USP4: variants seen among roughly 807,000 people sequenced by gnomAD.
USP4 encodes ubiquitin specific peptidase 4, also known as ubiquitin carboxyl-terminal hydrolase 4.
USP4 carries 72 observed loss-of-function variants against 118.2 expected under a neutral mutation model. The observed-to-expected ratio is 0.61, with a 90% CI of 0.50 to 0.74. USP4 has a LOEUF of 0.74. USP4 is among the 30% of genes least tolerant of loss of function. The probability of loss-of-function intolerance (pLI) is 0.00; values close to 1 mark genes in which losing one functional copy is unlikely to be tolerated. For missense variants in USP4, 1,037 were observed against 1,185.7 expected (o/e 0.87, Z 1.84); for synonymous variants, 415 against 440.4 (o/e 0.94, Z 0.72).
chr3:49,291,437 T>C (rs2047149938), intron 15 of USP4, among the ~76,000 whole-genome samples: 1 of 151,182 alleles, frequency 6.6e-6, no homozygotes, highest in Non-Finnish European at 1.5e-5. Flanking sequence ...TAGCCAGGCA[T>C]GGTGGCATGC....
At chr3:49,295,085 T>G (rs1202408844) in intron 13 of USP4, among the ~76,000 whole-genome samples, 3 of 152,032 alleles carry the variant, frequency 2.0e-5, no homozygotes, top group South Asian at 2.1e-4. Flanking sequence ...GTCAGGAGAT[T>G]GAGACCATCC....
intron 15 of USP4, among the ~76,000 whole-genome samples, chr3:49,290,662 A>C (rs1221827146): frequency 1.3e-5 from 2 of 151,856 alleles, no homozygotes; most frequent in Non-Finnish European, 2.9e-5. Flanking sequence ...TTACAGGCAC[A>C]CACTGCCATG....
intron 14 of USP4, 113 bp downstream of exon 14, chr3:49,294,294 C>A (rs2047180562): frequency 3.3e-6 from 4 of 1,214,472 alleles, no homozygotes; most frequent in Non-Finnish European, 4.6e-6. Context: ...AAATGCATTT[C>A]TTACAGAGGT....
intron 19 of USP4, among the ~76,000 whole-genome samples, chr3:49,282,075 T>C (rs2047037066): frequency 6.6e-6 from 1 of 151,942 alleles, no homozygotes; most frequent in South Asian, 2.1e-4. Flanking sequence ...AGAACCTTTC[T>C]GGGTAACTCC....
intron 6 of USP4, chr3:49,317,462 A>T (rs1489628072): frequency 6.6e-6 from 5 of 760,752 alleles, no homozygotes; most frequent in Non-Finnish European, 1.2e-5. Context: ...TGCTGGGTCA[A>T]CATCTCCTGG....
At chr3:49,320,898 G>A (rs1360415142) in intron 6 of USP4, among the ~76,000 whole-genome samples, 2 of 151,836 alleles carry the variant, frequency 1.3e-5, no homozygotes, top group Admixed American at 6.6e-5. Context: ...TCCTTCCTTA[G>A]TTTGAGAACC....
rs1217581747 is a variant in USP4 at position 49,278,119 on chromosome 3, GCTT to G, written c.*171_*173del. 67 of 713,192 alleles carry G rather than the reference GCTT, an allele frequency of 9.4e-5. No individual in the cohort carries two copies. The highest frequency in any genetic ancestry group is 1.3e-4 in the Non-Finnish European group (62 of 469,546). The allele number at this position is 713,192 out of a possible 1,614,324, so 44.2% of individuals were successfully genotyped here. A position where few individuals can be genotyped will look rare whatever the true frequency, so the allele number is the denominator to read the frequency against. On this transcript the variant is annotated 3_prime_UTR_variant, in exon 22 of 22. Coordinates refer to ENST00000265560, the MANE Select transcript of USP4 (RefSeq NM_003363.4). ...AAAAATAATTCAGCCTCTTGACATA[GCTT>G]CTTCTAGGTAAACGGTCTTCTTTTT...
intron 20 of USP4, chr3:49,279,352 C>CG (rs1559462207): frequency 1.3e-5 from 2 of 152,174 alleles, no homozygotes; most frequent in Non-Finnish European, 2.9e-5. Flanking sequence ...CTTAGTGCCT[C>CG]GGGAGCCTAC....
chr3:49,308,988 C>T (rs543717811), intron 8 of USP4, among the ~76,000 whole-genome samples: 54 of 146,920 alleles, frequency 3.7e-4, no homozygotes, highest in African/African-American at 1.3e-3. Context: ...GTCAAGATTG[C>T]GCGACTGCAC....
chr3:49,284,394 C>T, intron 18 of USP4, 72 bp downstream of exon 18: 2 of 1,266,286 alleles, frequency 1.6e-6, no homozygotes, highest in South Asian at 1.3e-5. Context: ...GGTTTATGTG[C>T]ACAGATGGCC....
chr3:49,292,861 C>A (rs1183029775), intron 14 of USP4, among the ~76,000 whole-genome samples: 1 of 151,974 alleles, frequency 6.6e-6, no homozygotes, highest in Non-Finnish European at 1.5e-5. Context: ...GAAACCCCAT[C>A]TCTAGTAAAA....
rs1431471936 is a variant in USP4 at position 49,310,628 on chromosome 3, C to A, written c.946G>T (p.Ala316Ser). 1 of 1,613,190 alleles carries A rather than the reference C, an allele frequency of 6.2e-7. No homozygotes were observed. Residue 316 changes from alanine to serine, a missense_variant, in exon 8 of 22, where the codon GCT becomes TCT. Physicochemically the swap from Ala to Ser is moderately conservative, Grantham distance 99. Transcript: ENST00000265560. Reference sequence around the variant, plus strand: ...GAAGTTCTCTCCTCTACCTGCAAAGCGGAGTTCATGAAGCAGGTGTTTCCC... The same window carrying A: ...GAAGTTCTCTCCTCTACCTGCAAAGAGGAGTTCATGAAGCAGGTGTTTCCC... ...NLGNTCFMNS[A>S]LQCLSNTAPL... is the part of the protein sequence containing the mutation.
Position 49,300,527 on chromosome 3 carries a change from CT to C in USP4, c.1451del (p.Lys484ArgfsTer24). ...GGAAAACCTCCATAACTCGATCTTT[CT>C]TCAAGGGCAGTGGCAGCGTTAGATA... ...FCYLTLPLPL[K>X]KDRVMEVFLV... On this transcript the variant is annotated frameshift_variant, in exon 11 of 22. Transcript: ENST00000265560. LOFTEE classifies it high-confidence loss of function. The C allele has an allele frequency of 6.2e-7, 1 of 1,614,202 alleles. No individual in the cohort carries two copies. The highest frequency in any genetic ancestry group is 8.5e-7 in the Non-Finnish European group (1 of 1,180,040).
chr3:49,313,870 C>A (rs759042655), intron 6 of USP4: 4 of 151,880 alleles, frequency 2.6e-5, no homozygotes, highest in Non-Finnish European at 5.9e-5. Flanking sequence ...TTAATTTTTA[C>A]CTTTTTTTTT....
intron 15 of USP4, among the ~76,000 whole-genome samples, chr3:49,287,523 A>G (rs1351924910): frequency 1.3e-5 from 2 of 151,818 alleles, no homozygotes; most frequent in African/African-American, 2.4e-5. Flanking sequence ...CCCAGGCTAG[A>G]GTACATTGGT....
At chr3:49,337,655 T>C (rs1163353302) in intron 1 of USP4, among the ~76,000 whole-genome samples, 2 of 152,044 alleles carry the variant, frequency 1.3e-5, no homozygotes, top group Non-Finnish European at 1.5e-5. Context: ...CAGGCTGGTC[T>C]TGAACTCCTG....
intron 13 of USP4, among the ~76,000 whole-genome samples, chr3:49,295,720 A>G (rs998209056): frequency 1.3e-4 from 20 of 149,596 alleles, no homozygotes; most frequent in African/African-American, 4.3e-4. Flanking sequence ...GCGCGCACAC[A>G]CACACACACA....
At chr3:49,319,377 T>C (rs375650765) in intron 6 of USP4, among the ~76,000 whole-genome samples, 1 of 151,304 alleles carries the variant, frequency 6.6e-6, no homozygotes, top group East Asian at 2.0e-4. Context: ...GCCTCCCGAG[T>C]AGCTGGGACT....
At chr3:49,334,221 T>C (rs919569935) in intron 2 of USP4, among the ~76,000 whole-genome samples, 1 of 152,180 alleles carries the variant, frequency 6.6e-6, no homozygotes, top group Non-Finnish European at 1.5e-5. Context: ...ATCTGCAACA[T>C]ATAATAAAGC....
Sources: allele counts gnomAD v4.1 joint callset (sites outside exome capture counted in the v4.1 genomes callset), GRCh38; gene constraint gnomAD v4.1.1; transcripts MANE v1.5; gene names NCBI Gene and HGNC (gene_info 2026-07-23, HGNC 2026-07-21).